The following PRICKLE2 variants were observed in gnomAD, a reference collection of about 807,000 sequenced individuals.
PRICKLE2 encodes prickle planar cell polarity protein 2.
PRICKLE2 carries 21 observed loss-of-function variants against 81.4 expected under a neutral mutation model. The observed-to-expected ratio is 0.26, with a 90% CI of 0.18 to 0.37. The LOEUF (loss-of-function observed/expected upper bound fraction) is 0.37. PRICKLE2 is among the 10% of genes least tolerant of loss of function. PRICKLE2 has a pLI of 1.00. For synonymous variants in PRICKLE2, 456 were observed against 421.5 expected (o/e 1.08, Z -1.00); for missense variants, 940 against 1,109.0 (o/e 0.85, Z 2.16).
chr3:64,243,582 C>G (rs953209253), intron 2 of PRICKLE2, among the ~76,000 whole-genome samples: 46 of 152,194 alleles, frequency 3.0e-4, no homozygotes, highest in African/African-American at 1.1e-3. Context: ...CACTTACTAG[C>G]TGTGTGAATT....
chr3:64,111,018 A>C (rs2076837840), intron 7 of PRICKLE2, among the ~76,000 whole-genome samples: 1 of 151,890 alleles, frequency 6.6e-6, no homozygotes, highest in African/African-American at 2.4e-5. Context: ...AAATTATAAA[A>C]AGTAACTGAG....
chr3:64,262,518 C>G (rs1281667896), intron 2 of PRICKLE2, among the ~76,000 whole-genome samples: 1 of 151,668 alleles, frequency 6.6e-6, no homozygotes, highest in Non-Finnish European at 1.5e-5. Flanking sequence ...CTCCACTAGT[C>G]AAGAGTCCAG....
At position 64,170,703 on chromosome 3, in the gene PRICKLE2, TAAAA is replaced by T. The variant is rs770744864; in HGVS notation, c.145-7578_145-7575del. 6.3e-3 allele frequency among the ~76,000 whole-genome samples: 709 copies of T among 113,382 alleles called. 4 individuals carry two copies. The highest frequency in any genetic ancestry group is 0.024 in the African/African-American group (678 of 28,106). The allele number at this position is 113,382 out of a possible 152,430, so 74.4% of individuals were successfully genotyped here. ...AGGTAGACCATGCCTCTAGAAACAT[TAAAA>T]AAAAAAAAAAAAAAAAAACAGCCTG... On this transcript the variant is annotated intron_variant, in intron 2 of 7. Transcript: ENST00000638394.
chr3:64,183,811 T>C lies in PRICKLE2; in HGVS notation c.144+14973A>G, dbSNP rs2078175041. On this transcript the variant is annotated intron_variant, in intron 2 of 7. Transcript: ENST00000638394. ...TGGTCAAGGCCACTTGATCACTGCC[T>C]GAAAACAAACTTTTCTGATCCATGA... 2.6e-5 allele frequency among the ~76,000 whole-genome samples: 4 copies of C among 152,218 alleles called. No homozygotes were observed. The South Asian group carries it at 6.2e-4, about 24-fold the overall frequency.
chr3:64,139,889 A>G (rs1478917054), intron 7 of PRICKLE2, among the ~76,000 whole-genome samples: 1 of 152,100 alleles, frequency 6.6e-6, no homozygotes, highest in Non-Finnish European at 1.5e-5. Flanking sequence ...ATGTCCTTTG[A>G]CTCAGCCACA....
Position 64,092,508 on chromosome 3 carries a change from T to C in PRICKLE2, c.*6543A>G, listed in dbSNP as rs954566935. On this transcript the variant is annotated 3_prime_UTR_variant, in exon 8 of 8. Coordinates refer to ENST00000638394, the MANE Select transcript of PRICKLE2 (RefSeq NM_198859.4). ...GATAAATATTTGTTGAATGAATGAATAGATGATATTATAGCATCCAGCAAG... is the reference window on the plus strand; with the variant it reads ...GATAAATATTTGTTGAATGAATGAACAGATGATATTATAGCATCCAGCAAG... 2.0e-5 allele frequency: 3 copies of C among 152,192 alleles called. No homozygotes were observed. Among genetic ancestry groups the C allele is most frequent in the African/African-American group, 7.2e-5 (3 of 41,444 alleles). The allele number at this position is 152,192 out of a possible 1,614,324, so 9.4% of individuals were successfully genotyped here.
chr3:64,199,338 TATACATA>T, intron 1 of PRICKLE2: 1 of 335,756 alleles, frequency 3.0e-6, no homozygotes, highest in South Asian at 4.1e-5. Flanking sequence ...AGCAATTAAA[TATACATA>T]ATACATATGT....
In PRICKLE2 at chr3:64,094,465, T is replaced by C. The variant is rs1040121207; in HGVS notation, c.*4586A>G. 2.9e-4 allele frequency: 44 copies of C among 152,342 alleles called. No individual in the cohort carries two copies. Among genetic ancestry groups the C allele is most frequent in the African/African-American group, 1.1e-3 (44 of 41,582 alleles). 9.4% of individuals were successfully genotyped at this position (152,342 alleles called of 1,614,324 possible). On this transcript the variant is annotated 3_prime_UTR_variant, in exon 8 of 8. Transcript: ENST00000638394. The stretch of plus-strand genomic sequence containing the variant: ...GATTTTTCTCTATCCTATGGATTCA[T>C]CGTATTCAAAACACAGGAATGTTTT...
intron 7 of PRICKLE2, among the ~76,000 whole-genome samples, chr3:64,138,212 T>G (rs1402851713): frequency 6.6e-6 from 1 of 151,852 alleles, no homozygotes; most frequent in East Asian, 1.9e-4. Flanking sequence ...TTGAACATTC[T>G]TCCTTCTCCA....
chr3:64,127,289 C>T (rs533408751), intron 7 of PRICKLE2, among the ~76,000 whole-genome samples: 25 of 152,228 alleles, frequency 1.6e-4, no homozygotes, highest in Middle Eastern at 6.8e-3. Flanking sequence ...CTGTAGTCAC[C>T]ACTCTATAAC....
At chr3:64,266,202 A>G (rs1282850498) in intron 2 of PRICKLE2, among the ~76,000 whole-genome samples, 1 of 25,672 alleles carries the variant, frequency 3.9e-5, no homozygotes, top group Admixed American at 4.4e-4. Flanking sequence ...ACCGCAAAAG[A>G]AAAAAAAAAA....
intron 7 of PRICKLE2, among the ~76,000 whole-genome samples, chr3:64,120,473 G>A (rs2106966438): frequency 6.6e-6 from 1 of 152,232 alleles, no homozygotes; most frequent in South Asian, 2.1e-4. Flanking sequence ...GTGAGGGTAG[G>A]AGTCAGTGAT....
chr3:64,230,630 A>G (rs909047961), intron 2 of PRICKLE2, among the ~76,000 whole-genome samples: 6 of 152,212 alleles, frequency 3.9e-5, no homozygotes, highest in African/African-American at 1.4e-4. Flanking sequence ...TGCAACGGGC[A>G]GAGTATTGTC....
intron 2 of PRICKLE2, among the ~76,000 whole-genome samples, chr3:64,180,564 ACT>A (rs1301325048): frequency 6.7e-6 from 1 of 149,144 alleles, no homozygotes; most frequent in African/African-American, 2.5e-5. Context: ...ATAAAGTCTC[ACT>A]CTGTCACCTA....
At position 64,127,249 on chromosome 3, in the gene PRICKLE2, C is replaced by T. The variant is rs117678609; in HGVS notation, c.1660+19581G>A. The stretch of plus-strand genomic sequence containing the variant: ...CAGCCTTACCCAATAAGATAATGTG[C>T]AACATAATGCTCCAGGGAGAACCCC... On this transcript the variant is annotated intron_variant, in intron 7 of 7. Coordinates refer to ENST00000638394, the MANE Select transcript of PRICKLE2 (RefSeq NM_198859.4). Among the ~76,000 whole-genome samples, 183 of 152,290 alleles carry T rather than the reference C, an allele frequency of 1.2e-3. 5 individuals carry two copies. The East Asian group carries it at 0.029, about 24-fold the overall frequency.
chr3:64,149,843 C>T (rs2077515740), intron 6 of PRICKLE2, among the ~76,000 whole-genome samples: 1 of 151,960 alleles, frequency 6.6e-6, no homozygotes, highest in Non-Finnish European at 1.5e-5. Flanking sequence ...ATGGGGTTCT[C>T]TTTTCATTTT....
intron 7 of PRICKLE2, among the ~76,000 whole-genome samples, chr3:64,136,666 C>G (rs563936621): frequency 6.6e-6 from 1 of 151,888 alleles, no homozygotes; most frequent in Non-Finnish European, 1.5e-5. Flanking sequence ...AGGTGATGGT[C>G]GGTGCAGAAT....
At chr3:64,213,930 T>C (rs1017011659) in intron 1 of PRICKLE2, among the ~76,000 whole-genome samples, 7 of 152,142 alleles carry the variant, frequency 4.6e-5, no homozygotes, top group African/African-American at 1.4e-4. Context: ...GGTCCCTTAA[T>C]CCATGTAAAA....
At chr3:64,164,916 T>C (rs1485686470) in intron 2 of PRICKLE2, among the ~76,000 whole-genome samples, 1 of 152,212 alleles carries the variant, frequency 6.6e-6, no homozygotes, top group Non-Finnish European at 1.5e-5. Flanking sequence ...CTGTGCCATA[T>C]GCCTCATCAG....
Sources: gnomAD v4.1 joint callset for allele counts (sites outside exome capture counted in the v4.1 genomes callset) on GRCh38, gnomAD v4.1.1 for gene constraint, MANE v1.5 for transcripts, NCBI Gene and HGNC (gene_info 2026-07-23, HGNC 2026-07-21) for gene names.